The following ARSG variants were observed in gnomAD, a reference collection of about 807,000 sequenced individuals.
The protein encoded by ARSG is arylsulfatase G.
A neutral mutation model predicts 50.5 loss-of-function variants in ARSG; 37 were observed. The observed-to-expected ratio is 0.73, with a 90% confidence interval of 0.56 to 0.96. ARSG has a LOEUF of 0.96. ARSG is among the 50% of genes least tolerant of loss of function. The pLI is 0.00. For missense variants in ARSG, 629 were observed against 675.3 expected (o/e 0.93, Z 0.76); for synonymous variants, 225 against 254.6 (o/e 0.88, Z 1.11).
intron 6 of ARSG, among the ~76,000 whole-genome samples, chr17:68,361,281 G>C (rs554946464): frequency 6.6e-6 from 1 of 152,190 alleles, no homozygotes; most frequent in Non-Finnish European, 1.5e-5. Context: ...GTTGGGATTA[G>C]TGTTTGTATT....
At chr17:68,350,940 C>T (rs2078733777) in intron 4 of ARSG, among the ~76,000 whole-genome samples, 1 of 152,108 alleles carries the variant, frequency 6.6e-6, no homozygotes, top group Non-Finnish European at 1.5e-5. Context: ...TTCACTCCAC[C>T]ACTCCAAGCC....
chr17:68,355,730 C>T (rs558933144), intron 5 of ARSG, among the ~76,000 whole-genome samples: 13 of 151,642 alleles, frequency 8.6e-5, no homozygotes, highest in East Asian at 1.9e-4. Context: ...GCGTGAGCCA[C>T]GGCGTCTGGC....
chr17:68,450,701 G>C, the ARSG span: 1 of 1,584,184 alleles, frequency 6.3e-7, no homozygotes. Flanking sequence ...CAGAAGCTTT[G>C]AAACCCTGAG....
At chr17:68,323,285 A>C (rs1555771233) in intron 2 of ARSG, among the ~76,000 whole-genome samples, 1 of 152,150 alleles carries the variant, frequency 6.6e-6, no homozygotes, top group Admixed American at 6.5e-5. Context: ...GTCACTGCAG[A>C]CTCTAATTTA....
At chr17:68,266,811 CA>C (rs2075175428) in intron 1 of ARSG, among the ~76,000 whole-genome samples, 1 of 151,786 alleles carries the variant, frequency 6.6e-6, no homozygotes, top group Non-Finnish European at 1.5e-5. Flanking sequence ...AACTCCATCT[CA>C]AAAAATAATA....
intron 4 of ARSG, among the ~76,000 whole-genome samples, chr17:68,347,981 C>T (rs76007638): frequency 0.028 from 4,210 of 152,256 alleles, 201 homozygotes; most frequent in Admixed American, 0.1. Flanking sequence ...GGAAGGTTTG[C>T]ATTGGAAGAT....
chr17:68,371,268 G>C (rs542264921), intron 8 of ARSG, among the ~76,000 whole-genome samples: 27 of 135,918 alleles, frequency 2.0e-4, no homozygotes, highest in African/African-American at 6.5e-4. Context: ...TGCAGAGACA[G>C]AGCTGAGATC....
the ARSG span, among the ~76,000 whole-genome samples, chr17:68,432,473 A>T: frequency 1.3e-5 from 2 of 152,202 alleles, no homozygotes; most frequent in African/African-American, 4.8e-5. Flanking sequence ...GTGAAATCAT[A>T]AATGTGGCTG....
intron 6 of ARSG, among the ~76,000 whole-genome samples, chr17:68,363,540 T>A (rs1440370358): frequency 6.6e-6 from 1 of 152,190 alleles, no homozygotes; most frequent in East Asian, 1.9e-4. Context: ...CGATCTCGGC[T>A]CACCGCAACC....
intron 11 of ARSG, among the ~76,000 whole-genome samples, chr17:68,410,509 G>T (rs1476280139): frequency 6.6e-6 from 1 of 151,492 alleles, no homozygotes; most frequent in Non-Finnish European, 1.5e-5. Flanking sequence ...TTGATGTTCT[G>T]CTGGATTCGG....
At chr17:68,395,541 G>T (rs1246371684) in intron 10 of ARSG, among the ~76,000 whole-genome samples, 1 of 152,288 alleles carries the variant, frequency 6.6e-6, no homozygotes, top group Middle Eastern at 3.4e-3. Flanking sequence ...CCAGCAAGTG[G>T]CTGGTTCAGA....
intron 2 of ARSG, among the ~76,000 whole-genome samples, chr17:68,314,450 C>T (rs1199010181): frequency 3.3e-5 from 5 of 150,596 alleles, no homozygotes; most frequent in Admixed American, 6.7e-5. Context: ...CATTTGAACC[C>T]GGGAGGCGGA....
intron 2 of ARSG, among the ~76,000 whole-genome samples, chr17:68,331,221 CTTTCTTTCT>C (rs2077741247): frequency 3.7e-4 from 13 of 35,254 alleles, no homozygotes; most frequent in Admixed American, 3.0e-3. Context: ...TTCTTTCTTT[CTTTCTTTCT>C]TTGTTTCTTT....
chr17:68,280,532 A>G (rs570715545), intron 1 of ARSG, among the ~76,000 whole-genome samples: 7 of 152,250 alleles, frequency 4.6e-5, no homozygotes, highest in Non-Finnish European at 1.0e-4. Flanking sequence ...AAAGACATTC[A>G]TTGGAGAAAG....
chr17:68,354,166 A>T (rs1460816635), intron 5 of ARSG, among the ~76,000 whole-genome samples: 1 of 151,534 alleles, frequency 6.6e-6, no homozygotes, highest in Non-Finnish European at 1.5e-5. Flanking sequence ...CACTCCTGTA[A>T]TCCCAGCACT....
intron 4 of ARSG, among the ~76,000 whole-genome samples, chr17:68,348,008 T>C (rs2078590288): frequency 6.6e-6 from 1 of 152,210 alleles, no homozygotes; most frequent in African/African-American, 2.4e-5. Flanking sequence ...ATTTGGAGAA[T>C]GACTTTCAGA....
At chr17:68,337,712 G>A (rs901389609) in intron 2 of ARSG, among the ~76,000 whole-genome samples, 2 of 152,132 alleles carry the variant, frequency 1.3e-5, no homozygotes, top group African/African-American at 4.8e-5. Flanking sequence ...CTGTCCCCTG[G>A]ATTCCAGTGA....
intron 1 of ARSG, chr17:68,274,082 G>T: frequency 6.2e-7 from 1 of 1,608,896 alleles, no homozygotes. Context: ...TGCCGGGAAA[G>T]AACAAAACGA....
At chr17:68,392,127 G>A (rs1199453396) in intron 9 of ARSG, among the ~76,000 whole-genome samples, 2 of 152,196 alleles carry the variant, frequency 1.3e-5, no homozygotes, top group Non-Finnish European at 1.5e-5. Flanking sequence ...CTGCTGCTGC[G>A]CCCAGCCTCA....
Sources: allele counts gnomAD v4.1 joint callset (sites outside exome capture counted in the v4.1 genomes callset), GRCh38; gene constraint gnomAD v4.1.1; transcripts MANE v1.5; gene names NCBI Gene and HGNC (gene_info 2026-07-23, HGNC 2026-07-21).